Variants in KIF23 observed in about 807,000 individuals in gnomAD.
KIF23 encodes the protein kinesin family member 23.
KIF23 carries 30 observed loss-of-function variants against 137.5 expected under a neutral mutation model. The ratio of observed to expected loss-of-function variants is 0.22; its 90% CI spans 0.16 to 0.30. KIF23 has a LOEUF of 0.30. Among genes scored for constraint, KIF23 ranks in the 10% least tolerant of loss-of-function variants. KIF23 has a pLI of 1.00. For missense variants in KIF23, 920 were observed against 1,194.3 expected, an observed-to-expected ratio of 0.77 and a Z score of 3.38; for synonymous variants, 367 against 391.1, an observed-to-expected ratio of 0.94 and a Z score of 0.73.
chr15:69,440,313 T>C lies in KIF23; in HGVS notation c.1935T>C (p.Arg645=). The C allele has an allele frequency of 6.2e-7, 1 of 1,612,760 alleles. No individual in the cohort carries two copies. Among genetic ancestry groups the C allele is most frequent in the Non-Finnish European group, 8.5e-7 (1 of 1,179,596 alleles). ...TTMKWEKECE[R]RVAAKQLEMQ... ...TTGCCACTGATAATCTGTAGGAGCG[T>C]AGAGTGGCAGCCAAACAGCTGGAGA... Residue 645 remains arginine (R), a synonymous_variant, in exon 18 of 24, where the codon CGT becomes CGC. Transcript: ENST00000679126.
Position 69,426,184 on chromosome 15 carries a change from T to G in KIF23, c.889+2T>G. ...AGGCTTTTGAAGTTTTCTGGAGAGG[T>G]TAGAAACACCTAGAACTAGAAAAAT... On this transcript the variant is annotated splice_donor_variant, in intron 9 of 23. Coordinates refer to ENST00000679126, the MANE Select transcript of KIF23 (RefSeq NM_001367805.3). LOFTEE classifies it high-confidence loss of function. The G allele has an allele frequency of 6.2e-7, 1 of 1,601,786 alleles. No homozygotes were observed. The highest frequency in any genetic ancestry group is 1.3e-5 in the African/African-American group (1 of 74,194).
chr15:69,447,426 C>T (rs1002916555), intron 23 of KIF23, among the ~76,000 whole-genome samples: 1 of 152,064 alleles, frequency 6.6e-6, no homozygotes, highest in African/African-American at 2.4e-5. Flanking sequence ...AACTTATACT[C>T]AGGAGTCTGA....
chr15:69,443,626 CCTG>C (rs1229983077), intron 19 of KIF23: 1 of 151,956 alleles, frequency 6.6e-6, no homozygotes, highest in Admixed American at 6.6e-5. Flanking sequence ...TGCACCCAGC[CCTG>C]CTTTCAGTTT....
intron 2 of KIF23, among the ~76,000 whole-genome samples, chr15:69,416,653 C>G (rs2056917260): frequency 6.6e-6 from 1 of 152,150 alleles, no homozygotes; most frequent in African/African-American, 2.4e-5. Flanking sequence ...CCCTCCCCTG[C>G]TTTCAAAAAT....
At chr15:69,424,609 C>T (rs986403936) in intron 7 of KIF23, among the ~76,000 whole-genome samples, 40 of 152,136 alleles carry the variant, frequency 2.6e-4, no homozygotes, top group Admixed American at 6.6e-5. Context: ...GTGATCCTCC[C>T]GCCTTAGCCT....
intron 22 of KIF23, 83 bp downstream of exon 22, chr15:69,446,447 T>G (rs994387852): frequency 3.7e-6 from 4 of 1,073,740 alleles, no homozygotes; most frequent in Non-Finnish European, 5.6e-6. Context: ...ATTTTTATGC[T>G]CTTTGAAAAT....
At chr15:69,426,593 C>T in intron 10 of KIF23, 136 bp downstream of exon 10, 3 of 824,248 alleles carry the variant, frequency 3.6e-6, no homozygotes, top group Non-Finnish European at 5.8e-6. Flanking sequence ...TGATGCACCA[C>T]TCCTGTAATC....
chr15:69,447,859 C>A lies in KIF23; in HGVS notation c.*52C>A, dbSNP rs368965562. 1 of 1,582,886 alleles carries A rather than the reference C, an allele frequency of 6.3e-7. No homozygotes were observed. The highest frequency in any genetic ancestry group is 1.1e-5 in the South Asian group (1 of 88,604). On this transcript the variant is annotated 3_prime_UTR_variant, in exon 24 of 24. Coordinates refer to ENST00000679126, the MANE Select transcript of KIF23 (RefSeq NM_001367805.3). ...ATTTTCATTTGTGTGGATGATTTCT[C>A]GAAAGCCATGCCAGAAGCAGTCTTC...
At chr15:69,423,008 A>G in intron 6 of KIF23, 151 bp from the exon 7 acceptor site, 1 of 557,462 alleles carries the variant, frequency 1.8e-6, no homozygotes, top group Non-Finnish European at 3.2e-6. Flanking sequence ...CATGTTGGCC[A>G]GGCTGGTCTT....
In KIF23 at chr15:69,429,289, A is replaced by T. The variant is rs112968039; in HGVS notation, c.1114+76A>T. The T allele has an allele frequency of 1.6e-4, 150 of 951,504 alleles. 2 individuals carry two copies. In the Middle Eastern group the frequency reaches 3.4e-3, roughly 22 times the overall value. 58.9% of individuals were successfully genotyped at this position (951,504 alleles called of 1,614,324 possible). ...ATGCCAGTTTATTATCTACTTATCA[A>T]TGGGTGGTTCTTTGTTTTTTAATTT... On this transcript the variant is annotated intron_variant, in intron 11 of 23. Coordinates refer to ENST00000679126, the MANE Select transcript of KIF23 (RefSeq NM_001367805.3).
intron 1 of KIF23, 57 bp from the exon 2 acceptor site, chr15:69,415,935 CTT>C (rs1284836299): frequency 8.1e-7 from 1 of 1,235,378 alleles, no homozygotes; most frequent in East Asian, 2.7e-5. Context: ...TTAGGTGAGG[CTT>C]TTGTATTCGT....
chr15:69,430,863 G>A (rs1240343634), intron 11 of KIF23, among the ~76,000 whole-genome samples: 1 of 152,112 alleles, frequency 6.6e-6, no homozygotes, highest in Non-Finnish European at 1.5e-5. Context: ...TTTTTCAGAT[G>A]AGGAAATAGG....
chr15:69,438,764 G>A (rs2057542529), intron 16 of KIF23, among the ~76,000 whole-genome samples: 1 of 151,852 alleles, frequency 6.6e-6, no homozygotes, highest in African/African-American at 2.4e-5. Flanking sequence ...TTGAGCCACT[G>A]CACTCCAGCC....
At chr15:69,441,610 A>G (rs1024213331) in intron 19 of KIF23, among the ~76,000 whole-genome samples, 1 of 152,106 alleles carries the variant, frequency 6.6e-6, no homozygotes, top group African/African-American at 2.4e-5. Context: ...TTTTCCCCTA[A>G]GCCTTGTGAA....
At chr15:69,421,190 T>C (rs1317882894) in intron 3 of KIF23, among the ~76,000 whole-genome samples, 1 of 152,046 alleles carries the variant, frequency 6.6e-6, no homozygotes, top group East Asian at 1.9e-4. Context: ...ATCAGGAGTT[T>C]GACACCAGCC....
At chr15:69,432,402 A>G in intron 11 of KIF23, among the ~76,000 whole-genome samples, 1 of 152,186 alleles carries the variant, frequency 6.6e-6, no homozygotes, top group East Asian at 1.9e-4. Context: ...TCTCATGGAC[A>G]CCGAAATAAA....
intron 11 of KIF23, among the ~76,000 whole-genome samples, chr15:69,431,637 G>A (rs547016149): frequency 2.0e-5 from 3 of 151,560 alleles, no homozygotes; most frequent in East Asian, 3.9e-4. Context: ...AGAAATGATT[G>A]AAGCAATTGG....
Position 69,436,660 on chromosome 15 carries a change from T to C in KIF23, c.1535T>C (p.Ile512Thr), listed in dbSNP as rs2057489815. The C allele has an allele frequency of 6.2e-7, 1 of 1,610,352 alleles. No homozygotes were observed. Among genetic ancestry groups the C allele is most frequent in the African/African-American group, 1.3e-5 (1 of 75,016 alleles). Reference protein sequence around the residue: ...INDEQTLPRLIEALEKRHNLR... With the variant: ...INDEQTLPRLTEALEKRHNLR... ...GATGAGCAGACACTTCCAAGGCTGA[T>C]TGAAGCCTTAGAGAAACGACATAAC... is the stretch of plus-strand genomic sequence containing the variant. The change falls in exon 15 of 24, where the codon ATT becomes ACT. Residue 512 changes from isoleucine (I) to threonine (T), a missense_variant. Transcript: ENST00000679126.
At position 69,429,222 on chromosome 15, in the gene KIF23, A is replaced by C; in HGVS notation, c.1114+9A>C. On this transcript the variant is annotated intron_variant, in intron 11 of 23. Transcript: ENST00000679126. ...CAGATTACGTGAAGCTGGTGAGTAA[A>C]GCATGGTATTTATTTATTGCTACAA... 6.3e-7 allele frequency: 1 copy of C among 1,583,640 alleles called. No individual in the cohort carries two copies. Among genetic ancestry groups the C allele is most frequent in the Non-Finnish European group, 8.6e-7 (1 of 1,158,718 alleles).
Sources: gnomAD v4.1 joint callset for allele counts (sites outside exome capture counted in the v4.1 genomes callset) on GRCh38, gnomAD v4.1.1 for gene constraint, MANE v1.5 for transcripts, NCBI Gene and HGNC (gene_info 2026-07-23, HGNC 2026-07-21) for gene names.